The following SLCO4A1 variants were observed in gnomAD, a reference collection of about 807,000 sequenced individuals.
SLCO4A1 encodes the protein solute carrier organic anion transporter family member 4A1.
A neutral mutation model predicts 64.6 loss-of-function variants in SLCO4A1; 51 were observed. The ratio of observed to expected loss-of-function variants is 0.79; its 90% CI spans 0.63 to 1.00. The LOEUF (loss-of-function observed/expected upper bound fraction) is 1.00, where lower values mean the gene tolerates loss of function less well. Among genes scored for constraint, SLCO4A1 ranks in the 50% least tolerant of loss-of-function variants. The pLI, the probability that SLCO4A1 is intolerant of heterozygous loss-of-function variation, is 0.00. For missense variants in SLCO4A1, 919 were observed against 980.5 expected (o/e 0.94, Z 0.84); for synonymous variants, 471 against 444.9 (o/e 1.06, Z -0.74).
At position 62,659,972 on chromosome 20, in the gene SLCO4A1, G is replaced by A. The variant is rs187701363; in HGVS notation, c.888-440G>A. Among the ~76,000 whole-genome samples, 500 of 152,338 alleles carry A rather than the reference G, an allele frequency of 3.3e-3. 2 individuals are homozygous for A. The highest frequency in any genetic ancestry group is 0.012 in the African/African-American group (481 of 41,580). On this transcript the variant is annotated intron_variant, in intron 3 of 11. Transcript: ENST00000217159. The stretch of plus-strand genomic sequence containing the variant: ...AAAGCACTTATGTGCAAATTGCCAC[G>A]TGCACAACAGTCCCTTCGTGGGGAG...
At chr20:62,684,816 G>T (rs62199950) in intron 2 of SLCO4A1, among the ~76,000 whole-genome samples, 5,974 of 152,194 alleles carry the variant, frequency 0.039, 177 homozygotes, top group South Asian at 0.096. Flanking sequence ...CCTGGAAGTC[G>T]CTCATTAAGA....
downstream of SLCO4A1, among the ~76,000 whole-genome samples, chr20:62,673,702 CGGA>C (rs1987441764): frequency 1.4e-5 from 2 of 146,304 alleles, no homozygotes; most frequent in African/African-American, 2.4e-5. Flanking sequence ...GGCAAGAAAC[CGGA>C]TGCTCAGCCC....
chr20:62,679,001 T>A (rs140177274), intron 2 of SLCO4A1, among the ~76,000 whole-genome samples: 219 of 152,208 alleles, frequency 1.4e-3, no homozygotes, highest in Non-Finnish European at 2.3e-3. Context: ...GGCAGATCAC[T>A]TGAGGTCAGG....
chr20:62,662,182 C>CAG (rs1482439087), intron 5 of SLCO4A1, among the ~76,000 whole-genome samples: 2 of 152,134 alleles, frequency 1.3e-5, no homozygotes, highest in African/African-American at 4.8e-5. Context: ...CTGTCCACGG[C>CAG]AGAGAGGAGC....
At chr20:62,643,133 G>C (rs1442395484) in intron 1 of SLCO4A1, 2 of 429,344 alleles carry the variant, frequency 4.7e-6, no homozygotes. Flanking sequence ...GGGAGCGCGG[G>C]CGGAGCGCAC....
In SLCO4A1 at chr20:62,668,000, T is replaced by C; in HGVS notation, c.1639-12T>C. On this transcript the variant is annotated splice_polypyrimidine_tract_variant and intron_variant, in intron 8 of 11. Transcript: ENST00000217159. ...TTCCCCTTGTAATCGGAGCTATTGTTGGGCTTCCCAGGTGTACCGAGACTG... is the reference window on the plus strand; with the variant it reads ...TTCCCCTTGTAATCGGAGCTATTGTCGGGCTTCCCAGGTGTACCGAGACTG... 1 of 1,614,080 alleles carries C rather than the reference T, an allele frequency of 6.2e-7. No homozygotes were observed.
At chr20:62,676,946 T>A (rs1040494913), downstream of SLCO4A1, among the ~76,000 whole-genome samples, 1 of 152,274 alleles carries the variant, frequency 6.6e-6, no homozygotes, top group African/African-American at 2.4e-5. Flanking sequence ...ACAGTGGGTC[T>A]TGCTTGGCCG....
intron 9 of SLCO4A1, 72 bp downstream of exon 9, chr20:62,668,256 C>A (rs770766261): frequency 6.4e-7 from 1 of 1,558,254 alleles, no homozygotes; most frequent in Non-Finnish European, 8.8e-7. Flanking sequence ...TCTGCAGATC[C>A]TGAGACAGGA....
Position 62,644,794 on chromosome 20 carries a change from C to T in SLCO4A1, c.-97+2241C>T, listed in dbSNP as rs924046492. ...GGCTTCCTGGACTCGTCCACTGGAA[C>T]GTGTTGGGTCCTGGTGCTCTCCCCA... On this transcript the variant is annotated intron_variant, in intron 1 of 11. Coordinates refer to ENST00000217159, the MANE Select transcript of SLCO4A1 (RefSeq NM_016354.4). The surrounding 1 kb of genome is among the most constrained non-coding windows in gnomAD (Gnocchi z 5.4). Among the ~76,000 whole-genome samples, 3 of 152,220 alleles carry T rather than the reference C, an allele frequency of 2.0e-5. No individual in the cohort carries two copies. Among genetic ancestry groups the T allele is most frequent in the Non-Finnish European group, 4.4e-5 (3 of 68,038 alleles).
At position 62,645,860 on chromosome 20, in the gene SLCO4A1, T is replaced by C. The variant is rs1019059456; in HGVS notation, c.-97+3307T>C. Among the ~76,000 whole-genome samples, 1 of 151,942 alleles carries C rather than the reference T, an allele frequency of 6.6e-6. No individual in the cohort carries two copies. The highest frequency in any genetic ancestry group is 2.4e-5 in the African/African-American group (1 of 41,376). On this transcript the variant is annotated intron_variant, in intron 1 of 11. Transcript: ENST00000217159. The surrounding 1 kb of genome is among the most constrained non-coding windows in gnomAD (Gnocchi z 4.2). ...AATCTGGCAAGCCTTGGGGGGCACC[T>C]GAGGCATTGCCCCTCTGGCCCAAGC...
rs2147076468 is a variant in SLCO4A1, at chr20:62,656,461, C to T, written c.7C>T (p.Leu3=). Reference sequence around the variant, plus strand: ...ACCAGGCGGAGGCGCGGAGATGCCCCTGCATCAGCTGGGGGACAAGCCGCT... The same window carrying T: ...ACCAGGCGGAGGCGCGGAGATGCCCTTGCATCAGCTGGGGGACAAGCCGCT... The part of the protein sequence containing the change: MP[L]HQLGDKPLTF... Residue 3 remains leucine (L), a synonymous_variant, in exon 2 of 12, where the codon CTG becomes TTG. Coordinates refer to ENST00000217159, the MANE Select transcript of SLCO4A1 (RefSeq NM_016354.4). 2.7e-6 allele frequency: 4 copies of T among 1,485,146 alleles called. No homozygotes were observed. Among genetic ancestry groups the T allele is most frequent in the Non-Finnish European group, 3.6e-6 (4 of 1,117,194 alleles). The allele number at this position is 1,485,146 out of a possible 1,614,324, so 92.0% of individuals were successfully genotyped here.
downstream of SLCO4A1, among the ~76,000 whole-genome samples, chr20:62,675,700 A>C (rs1383801565): frequency 6.6e-6 from 1 of 152,160 alleles, no homozygotes; most frequent in Non-Finnish European, 1.5e-5. Flanking sequence ...ATGCCCACAC[A>C]GGCCCCCCGC....
chr20:62,663,357 C>G (rs973384004), intron 5 of SLCO4A1: 4 of 152,108 alleles, frequency 2.6e-5, no homozygotes, highest in African/African-American at 9.7e-5. Context: ...TAGGTGTGGC[C>G]GAGAGGAAAG....
intron 1 of SLCO4A1, among the ~76,000 whole-genome samples, chr20:62,654,640 C>T (rs1479461966): frequency 6.6e-6 from 1 of 152,224 alleles, no homozygotes; most frequent in African/African-American, 2.4e-5. Context: ...TGTCAGTGGG[C>T]AGCATTTCTC....
intron 1 of SLCO4A1, among the ~76,000 whole-genome samples, chr20:62,646,595 G>A (rs1389886349): frequency 2.6e-5 from 4 of 152,260 alleles, no homozygotes; most frequent in East Asian, 1.9e-4. Context: ...GGGGACCTGC[G>A]GCAGGCAGGG....
At chr20:62,655,023 C>T (rs1983385095) in intron 1 of SLCO4A1, among the ~76,000 whole-genome samples, 1 of 152,244 alleles carries the variant, frequency 6.6e-6, no homozygotes, top group Non-Finnish European at 1.5e-5. Flanking sequence ...CACCCAATGT[C>T]CCTGTTTAAC....
At chr20:62,662,248 A>G (rs1390643884) in intron 5 of SLCO4A1, among the ~76,000 whole-genome samples, 1 of 152,028 alleles carries the variant, frequency 6.6e-6, no homozygotes, top group South Asian at 2.1e-4. Flanking sequence ...TAGACCCCCC[A>G]AAGGAGCTGG....
intron 11 of SLCO4A1, among the ~76,000 whole-genome samples, chr20:62,669,533 C>T (rs1349927062): frequency 6.6e-6 from 1 of 152,242 alleles, no homozygotes; most frequent in Non-Finnish European, 1.5e-5. Context: ...CCTTGGATTC[C>T]ATTGGATCTC....
At chr20:62,665,208 C>A in intron 6 of SLCO4A1, 120 bp downstream of exon 6, 2 of 1,165,138 alleles carry the variant, frequency 1.7e-6, no homozygotes, top group East Asian at 2.4e-5. Context: ...CCCTCCCACC[C>A]CCGCTGCCAG....
Sources: allele counts gnomAD v4.1 joint callset (sites outside exome capture counted in the v4.1 genomes callset), GRCh38; gene constraint gnomAD v4.1.1; non-coding constraint Gnocchi (gnomAD v3.1); transcripts MANE v1.5; gene names NCBI Gene and HGNC (gene_info 2026-07-23, HGNC 2026-07-21).